The following ERBB4 variants were observed in gnomAD, a reference collection of about 807,000 sequenced individuals.
The protein encoded by ERBB4 is receptor tyrosine-protein kinase erbB-4.
Under a neutral mutation model 158.0 loss-of-function variants are expected in ERBB4, and 42 were observed. The ratio of observed to expected loss-of-function variants is 0.27; its 90% CI spans 0.21 to 0.34. ERBB4 has a LOEUF of 0.34. Among genes scored for constraint, ERBB4 ranks in the 10% least tolerant of loss-of-function variants. The probability of loss-of-function intolerance (pLI) is 1.00; values close to 1 mark genes in which losing one functional copy is unlikely to be tolerated. For missense variants in ERBB4, 1,333 were observed against 1,624.1 expected (o/e 0.82, Z 3.08); for synonymous variants, 583 against 558.7 (o/e 1.04, Z -0.61).
chr2:212,286,594 C>CTTGTTTTTTTTTTTTTTTTTTTTTTT (rs760466245), intron 1 of ERBB4, among the ~76,000 whole-genome samples: 1 of 55,542 alleles, frequency 1.8e-5, no homozygotes, highest in Non-Finnish European at 3.6e-5. Flanking sequence ...TAAGTGCTGA[C>CTTGTTTTTTTTTTTTTTTTTTTTTTT]TTTTTTTTTT....
At chr2:212,399,545 C>CAT (rs869111881) in intron 1 of ERBB4, among the ~76,000 whole-genome samples, 3,375 of 36,926 alleles carry the variant, frequency 0.091, 103 homozygotes, top group East Asian at 0.13. Flanking sequence ...TTTATATATA[C>CAT]ATATATATAT....
chr2:211,602,676 G>T (rs55651117), intron 19 of ERBB4, among the ~76,000 whole-genome samples: 16,612 of 152,016 alleles, frequency 0.11, 2,874 homozygotes, highest in African/African-American at 0.37. Context: ...CACATTAAAT[G>T]TCCCCCTCTT....
chr2:211,997,555 C>T (rs1056647619), intron 2 of ERBB4, among the ~76,000 whole-genome samples: 1 of 151,990 alleles, frequency 6.6e-6, no homozygotes, highest in South Asian at 2.1e-4. Context: ...TTTATAACTT[C>T]AGTCATAATT....
chr2:212,455,978 C>T (rs945513941), intron 1 of ERBB4, among the ~76,000 whole-genome samples: 1 of 151,908 alleles, frequency 6.6e-6, no homozygotes, highest in African/African-American at 2.4e-5. Flanking sequence ...CTTCTTCCCC[C>T]AGCTGTCTTT....
chr2:211,802,979 G>C (rs1038674957), intron 3 of ERBB4, among the ~76,000 whole-genome samples: 1 of 152,154 alleles, frequency 6.6e-6, no homozygotes, highest in African/African-American at 2.4e-5. Context: ...AGGATAATAA[G>C]ATGCGATCCA....
intron 20 of ERBB4, among the ~76,000 whole-genome samples, chr2:211,448,499 C>A (rs2064167149): frequency 6.8e-6 from 1 of 147,468 alleles, no homozygotes. Context: ...CACAATTACA[C>A]ACAGAGATAA....
At chr2:211,658,013 T>TA (rs2071283265) in intron 15 of ERBB4, 185 bp from the exon 16 acceptor site, 2 of 1,582,374 alleles carry the variant, frequency 1.3e-6, no homozygotes, top group South Asian at 1.1e-5. Flanking sequence ...AATGCAAATT[T>TA]AAAAAAATAC....
At chr2:212,047,624 C>G (rs1033832631) in intron 2 of ERBB4, among the ~76,000 whole-genome samples, 1 of 151,100 alleles carries the variant, frequency 6.6e-6, no homozygotes, top group East Asian at 1.9e-4. Flanking sequence ...AGGTACCCAC[C>G]ACCACACTTG....
At chr2:211,511,156 T>C (rs1336155260) in intron 20 of ERBB4, among the ~76,000 whole-genome samples, 2 of 151,930 alleles carry the variant, frequency 1.3e-5, no homozygotes, top group Non-Finnish European at 2.9e-5. Flanking sequence ...CAGACAGAAA[T>C]GGAATGCACT....
intron 19 of ERBB4, 105 bp downstream of exon 19, chr2:211,619,072 A>C: frequency 1.4e-6 from 1 of 724,084 alleles, no homozygotes; most frequent in Non-Finnish European, 2.5e-6. Flanking sequence ...TATTTCCATA[A>C]GAGAAATTTG....
chr2:211,920,234 G>A (rs2079821066), intron 3 of ERBB4, among the ~76,000 whole-genome samples: 1 of 151,920 alleles, frequency 6.6e-6, no homozygotes, highest in African/African-American at 2.4e-5. Flanking sequence ...TTGGCTTATT[G>A]TGCGTCTGAG....
At chr2:211,951,910 G>A (rs1299023595) in intron 2 of ERBB4, among the ~76,000 whole-genome samples, 1 of 151,902 alleles carries the variant, frequency 6.6e-6, no homozygotes, top group African/African-American at 2.4e-5. Flanking sequence ...CCATAAGTTG[G>A]TCCATAGTAA....
rs574494273 is a variant in ERBB4, at chr2:211,589,665, G to A, written c.2302-27577C>T. 3.6e-4 allele frequency among the ~76,000 whole-genome samples: 54 copies of A among 152,084 alleles called. 1 individual carries two copies. The highest frequency in any genetic ancestry group is 1.3e-3 in the African/African-American group (53 of 41,478). On this transcript the variant is annotated intron_variant, in intron 19 of 27. Coordinates refer to ENST00000342788, the MANE Select transcript of ERBB4 (RefSeq NM_005235.3). ...TGTAACTGAGAATACGTATCAAAACGAATAGCTAATTTTTTAATGATGTCA... is the reference window on the plus strand; with the variant it reads ...TGTAACTGAGAATACGTATCAAAACAAATAGCTAATTTTTTAATGATGTCA...
chr2:211,435,945 T>C (rs2063842818), intron 20 of ERBB4, among the ~76,000 whole-genome samples: 1 of 133,320 alleles, frequency 7.5e-6, no homozygotes, highest in African/African-American at 2.8e-5. Context: ...ATAGTGGTCA[T>C]ACAGTTTTGT....
chr2:211,965,381 T>C (rs2081285178), intron 2 of ERBB4, among the ~76,000 whole-genome samples: 1 of 152,154 alleles, frequency 6.6e-6, no homozygotes, highest in African/African-American at 2.4e-5. Flanking sequence ...CAATATAATC[T>C]ATATTCATTT....
At chr2:212,536,181 G>C (rs552344605) in intron 1 of ERBB4, among the ~76,000 whole-genome samples, 1 of 151,978 alleles carries the variant, frequency 6.6e-6, no homozygotes, top group Admixed American at 6.6e-5. Context: ...ATTTAGTTGG[G>C]AACACACAGC....
At chr2:212,489,497 A>T (rs1426790656) in intron 1 of ERBB4, among the ~76,000 whole-genome samples, 1 of 151,978 alleles carries the variant, frequency 6.6e-6, no homozygotes, top group Non-Finnish European at 1.5e-5. Context: ...TTCTTCCTCA[A>T]GTCCATTAAA....
At chr2:212,224,834 T>G (rs2083420406) in intron 1 of ERBB4, among the ~76,000 whole-genome samples, 1 of 152,108 alleles carries the variant, frequency 6.6e-6, no homozygotes, top group Non-Finnish European at 1.5e-5. Context: ...AACAAGTTTT[T>G]TTTAAATTTG....
At chr2:211,543,762 C>T (rs889178038) in intron 20 of ERBB4, among the ~76,000 whole-genome samples, 4 of 148,836 alleles carry the variant, frequency 2.7e-5, no homozygotes, top group East Asian at 2.1e-4. Context: ...CTCTAGCAGG[C>T]GCTGCTGTAA....
Sources: gnomAD v4.1 joint callset for allele counts (sites outside exome capture counted in the v4.1 genomes callset) on GRCh38, gnomAD v4.1.1 for gene constraint, MANE v1.5 for transcripts, NCBI Gene and HGNC (gene_info 2026-07-23, HGNC 2026-07-21) for gene names.